The following CRACR2A variants were observed in gnomAD, a reference collection of about 807,000 sequenced individuals.
The protein encoded by CRACR2A is calcium release activated channel regulator 2A, also known as EF-hand calcium-binding domain-containing protein 4B.
CRACR2A carries 79 observed loss-of-function variants against 90.5 expected under a neutral mutation model. That is an observed-to-expected ratio of 0.87 (90% CI 0.73 to 1.05). The LOEUF (loss-of-function observed/expected upper bound fraction) is 1.05. Among genes scored for constraint, CRACR2A ranks in the 50% least tolerant of loss-of-function variants. The pLI is 0.00. For synonymous variants in CRACR2A, 338 were observed against 356.7 expected, an observed-to-expected ratio of 0.95 and a Z score of 0.59; for missense variants, 823 against 897.2, an observed-to-expected ratio of 0.92 and a Z score of 1.06.
intron 4 of CRACR2A, among the ~76,000 whole-genome samples, chr12:3,690,152 A>G (rs565888995): frequency 2.6e-5 from 4 of 151,834 alleles, no homozygotes; most frequent in South Asian, 4.2e-4. Flanking sequence ...TCGTGTTCCA[A>G]TCTCCTTGAG....
rs1428750425 is a variant in CRACR2A, at chr12:3,745,098, C to G, written c.-387+7917G>C. On this transcript the variant is annotated intron_variant, in intron 1 of 19. Transcript: ENST00000440314. ...CCTCTGTGGGATTCTGTAGGGAAGG[C>G]TGTGTCCATGCACCCAGATGCCACA... 2.6e-5 allele frequency among the ~76,000 whole-genome samples: 4 copies of G among 152,218 alleles called. No individual in the cohort carries two copies. In the East Asian group the frequency reaches 7.7e-4, roughly 29 times the overall value.
chr12:3,684,458 G>C (rs1335206011), intron 4 of CRACR2A, among the ~76,000 whole-genome samples: 1 of 152,168 alleles, frequency 6.6e-6, no homozygotes, highest in Non-Finnish European at 1.5e-5. Context: ...GGGGAAGGCA[G>C]GGGAGGGACC....
intron 17 of CRACR2A, among the ~76,000 whole-genome samples, chr12:3,622,914 A>G (rs1171304832): frequency 6.6e-6 from 1 of 152,172 alleles, no homozygotes; most frequent in Non-Finnish European, 1.5e-5. Flanking sequence ...GAGAAAAAAA[A>G]ATCAAACTGC....
intron 4 of CRACR2A, among the ~76,000 whole-genome samples, chr12:3,683,961 G>C (rs954462792): frequency 4.6e-5 from 7 of 152,236 alleles, no homozygotes; most frequent in Middle Eastern, 3.4e-3. Flanking sequence ...CCTAGAACAT[G>C]AGGCATCTAC....
chr12:3,653,320 T>C (rs1171342035), intron 10 of CRACR2A, among the ~76,000 whole-genome samples: 1 of 152,156 alleles, frequency 6.6e-6, no homozygotes, highest in Non-Finnish European at 1.5e-5. Context: ...TGTCAAATTA[T>C]CGACATAAGT....
chr12:3,633,859 C>A lies in CRACR2A; in HGVS notation c.1603-123G>T. On this transcript the variant is annotated intron_variant, in intron 14 of 19. Coordinates refer to ENST00000440314, the MANE Select transcript of CRACR2A (RefSeq NM_001144958.2). This position sits in a 1 kb window ranked among gnomAD's most constrained non-coding sequence, Gnocchi z 4.5. Reference sequence around the variant, plus strand: ...CAGGAGGTGCAGACCGGCCTCTAGACCTGCACCAGGAGGCTGCCACAGCCT... The same window carrying A: ...CAGGAGGTGCAGACCGGCCTCTAGAACTGCACCAGGAGGCTGCCACAGCCT... 2.3e-6 allele frequency: 3 copies of A among 1,333,274 alleles called. No individual in the cohort carries two copies. Among genetic ancestry groups the A allele is most frequent in the Admixed American group, 2.2e-5 (1 of 45,396 alleles). The allele number at this position is 1,333,274 out of a possible 1,614,324, so 82.6% of individuals were successfully genotyped here. A position where few individuals can be genotyped will look rare whatever the true frequency, so the allele number is the denominator to read the frequency against.
chr12:3,691,827 G>A (rs1016826645), intron 4 of CRACR2A, among the ~76,000 whole-genome samples: 1 of 152,202 alleles, frequency 6.6e-6, no homozygotes, highest in Non-Finnish European at 1.5e-5. Flanking sequence ...ATATTTCTCA[G>A]AGGTTTTATT....
At chr12:3,660,889 AT>A (rs1945021417) in intron 7 of CRACR2A, among the ~76,000 whole-genome samples, 2 of 121,342 alleles carry the variant, frequency 1.6e-5, no homozygotes, top group Admixed American at 8.5e-5. Flanking sequence ...CACACACACA[AT>A]TTTGGCCCCT....
intron 4 of CRACR2A, among the ~76,000 whole-genome samples, chr12:3,684,412 T>A (rs755507513): frequency 6.6e-5 from 10 of 152,116 alleles, no homozygotes; most frequent in Non-Finnish European, 2.9e-5. Flanking sequence ...TACCGACATT[T>A]TGGAATGGAC....
At position 3,666,358 on chromosome 12, in the gene CRACR2A, T is replaced by TGTGTGTGA. The variant is rs758896769; in HGVS notation, c.672-6705_672-6704insTCACACAC. Among the ~76,000 whole-genome samples, 12 of 148,534 alleles carry TGTGTGTGA rather than the reference T, an allele frequency of 8.1e-5. 1 individual carries two copies. In the East Asian group the frequency reaches 2.2e-3, roughly 27 times the overall value. On this transcript the variant is annotated intron_variant, in intron 7 of 19. Coordinates refer to ENST00000440314, the MANE Select transcript of CRACR2A (RefSeq NM_001144958.2). ...GTGTGTGTGTGTGTGTGTGTGTGCG[T>TGTGTGTGA]GCGTGTGCGCGTGCGCGCGCACGCG...
chr12:3,620,388 C>T (rs1944108833), intron 17 of CRACR2A, among the ~76,000 whole-genome samples: 1 of 152,178 alleles, frequency 6.6e-6, no homozygotes, highest in African/African-American at 2.4e-5. Context: ...TAAGCAGTTA[C>T]AGTTTTGCCA....
intron 10 of CRACR2A, among the ~76,000 whole-genome samples, chr12:3,651,628 T>C (rs892238215): frequency 3.3e-5 from 5 of 152,176 alleles, no homozygotes; most frequent in Non-Finnish European, 7.4e-5. Context: ...AAAATTAATT[T>C]TGCCTGTTCA....
Position 3,641,764 on chromosome 12 carries a change from G to A in CRACR2A, c.1239C>T (p.Gly413=), listed in dbSNP as rs749264405. 1.0e-5 allele frequency: 16 copies of A among 1,551,678 alleles called. No individual in the cohort carries two copies. The South Asian group carries it at 1.5e-4, about 15-fold the overall frequency. Residue 413 remains glycine, a synonymous_variant, in exon 13 of 20, where the codon GGC becomes GGT. Coordinates refer to ENST00000440314, the MANE Select transcript of CRACR2A (RefSeq NM_001144958.2). ...GAATCCCTCTGCTGTCCACATATTTGCCTATCACAGAGCCAGATCTCTTTT... is the reference window on the plus strand; with the variant it reads ...GAATCCCTCTGCTGTCCACATATTTACCTATCACAGAGCCAGATCTCTTTT... ...SWKKRSGSVI[G]KYVDSRGILR... is the part of the protein sequence containing the mutation.
At chr12:3,627,583 C>G (rs371261147) in intron 16 of CRACR2A, 33 bp from the exon 17 acceptor site, 1 of 1,551,352 alleles carries the variant, frequency 6.4e-7, no homozygotes, top group Non-Finnish European at 8.7e-7. Flanking sequence ...CAGGCATGCA[C>G]GGCCTTCCCT....
At chr12:3,655,750 G>A (rs11615991) in intron 9 of CRACR2A, among the ~76,000 whole-genome samples, 1 of 152,176 alleles carries the variant, frequency 6.6e-6, no homozygotes, top group Admixed American at 6.5e-5. Context: ...CTGGAGGCTC[G>A]GGTACATCAG....
At chr12:3,676,897 T>G (rs1290025896) in intron 6 of CRACR2A, among the ~76,000 whole-genome samples, 1 of 152,104 alleles carries the variant, frequency 6.6e-6, no homozygotes, top group Non-Finnish European at 1.5e-5. Flanking sequence ...CCAGTGAGAT[T>G]TGCAGACCCA....
At chr12:3,708,009 G>A (rs555746839) in intron 3 of CRACR2A, among the ~76,000 whole-genome samples, 3 of 152,316 alleles carry the variant, frequency 2.0e-5, no homozygotes, top group African/African-American at 4.8e-5. Flanking sequence ...CTGCAGATCC[G>A]TTATCAAGGT....
At chr12:3,748,156 C>G (rs921434039) in intron 1 of CRACR2A, among the ~76,000 whole-genome samples, 3 of 152,208 alleles carry the variant, frequency 2.0e-5, no homozygotes, top group African/African-American at 7.2e-5. Flanking sequence ...TTTCCACTTT[C>G]CCACAAGTTC....
At chr12:3,621,092 G>A (rs1254843149) in intron 17 of CRACR2A, among the ~76,000 whole-genome samples, 2 of 152,228 alleles carry the variant, frequency 1.3e-5, no homozygotes, top group African/African-American at 2.4e-5. Context: ...AGAGCACATG[G>A]GAGAGAGATA....
Sources: allele counts gnomAD v4.1 joint callset (sites outside exome capture counted in the v4.1 genomes callset), GRCh38; gene constraint gnomAD v4.1.1; non-coding constraint Gnocchi (gnomAD v3.1); transcripts MANE v1.5; gene names NCBI Gene and HGNC (gene_info 2026-07-23, HGNC 2026-07-21).